TRDN: variants seen among roughly 807,000 people sequenced by gnomAD.
TRDN encodes triadin in skeletal muscle.
TRDN carries 161 observed loss-of-function variants against 149.7 expected under a neutral mutation model. That is an observed-to-expected ratio of 1.08 (90% CI 0.95 to 1.23). TRDN has a LOEUF of 1.23. Ranked by LOEUF, TRDN falls within the 50% of genes most tolerant of loss-of-function variation. TRDN has a pLI of 0.00. For synonymous variants in TRDN, 294 were observed against 250.5 expected (o/e 1.17, Z -1.64); for missense variants, 896 against 823.5 (o/e 1.09, Z -1.08).
chr6:123,299,494 T>C (rs1778326618), intron 24 of TRDN, among the ~76,000 whole-genome samples: 1 of 152,060 alleles, frequency 6.6e-6, no homozygotes, highest in Non-Finnish European at 1.5e-5. Context: ...TAGTCCTGTT[T>C]TTCTTTCTTA....
rs779091479 is a variant in TRDN at position 123,252,405 on chromosome 6, T to C, written c.1975+7A>G. ...GAGAACTTGTCATTAATACAAACCG[T>C]ACTTACTTGATACTCTTGCAGGTTT... is the stretch of plus-strand genomic sequence containing the variant. On this transcript the variant is annotated splice_region_variant and intron_variant, in intron 38 of 40. Coordinates refer to ENST00000334268, the MANE Select transcript of TRDN (RefSeq NM_006073.4). 4.6e-6 allele frequency: 7 copies of C among 1,512,096 alleles called. No individual in the cohort carries two copies. Among genetic ancestry groups the C allele is most frequent in the Non-Finnish European group, 6.3e-6 (7 of 1,107,708 alleles). 93.7% of individuals were successfully genotyped at this position (1,512,096 alleles called of 1,614,324 possible).
intron 24 of TRDN, among the ~76,000 whole-genome samples, chr6:123,286,479 G>A (rs114546020): frequency 3.6e-4 from 55 of 152,120 alleles, no homozygotes; most frequent in African/African-American, 1.3e-3. Flanking sequence ...TAAGCTATGA[G>A]GATGCAATGG....
intron 9 of TRDN, among the ~76,000 whole-genome samples, chr6:123,493,980 T>A (rs1778328432): frequency 6.6e-6 from 1 of 152,216 alleles, no homozygotes; most frequent in South Asian, 2.1e-4. Context: ...GTTTATTAAA[T>A]GAAACAACAG....
intron 21 of TRDN, among the ~76,000 whole-genome samples, chr6:123,341,398 T>G (rs1392810734): frequency 6.6e-6 from 1 of 151,946 alleles, no homozygotes; most frequent in Non-Finnish European, 1.5e-5. Context: ...ATTTTTTTCC[T>G]GAATATATGT....
At chr6:123,233,236 ACAGC>A (rs1775673937) in intron 38 of TRDN, among the ~76,000 whole-genome samples, 1 of 152,100 alleles carries the variant, frequency 6.6e-6, no homozygotes, top group South Asian at 2.1e-4. Context: ...GCAACATTTG[ACAGC>A]CAGTTTATTT....
At chr6:123,502,021 T>C in intron 8 of TRDN, 1 of 984,392 alleles carries the variant, frequency 1.0e-6, no homozygotes, top group African/African-American at 1.7e-5. Context: ...AGTTGTTAGA[T>C]AAGTATTTTG....
At chr6:123,631,611 G>A (rs1439170804) in intron 1 of TRDN, among the ~76,000 whole-genome samples, 4 of 151,816 alleles carry the variant, frequency 2.6e-5, no homozygotes, top group Admixed American at 6.6e-5. Context: ...TTGCACTTAC[G>A]AATAAATTTG....
Position 123,334,177 on chromosome 6 carries a change from A to G in TRDN, c.1421-2248T>C, listed in dbSNP as rs1419653965. Among the ~76,000 whole-genome samples, 6 of 151,988 alleles carry G rather than the reference A, an allele frequency of 3.9e-5. No individual in the cohort carries two copies. The South Asian group carries it at 1.0e-3, about 26-fold the overall frequency. Reference sequence around the variant, plus strand: ...TGTTGAGTGGAAATGGCCAAGAAAAACATGTTGAGGACAAATGGAAGTTGG... The same window carrying G: ...TGTTGAGTGGAAATGGCCAAGAAAAGCATGTTGAGGACAAATGGAAGTTGG... On this transcript the variant is annotated intron_variant, in intron 22 of 40. Transcript: ENST00000334268.
intron 13 of TRDN, 94 bp downstream of exon 13, chr6:123,393,528 GGT>G: frequency 9.7e-7 from 1 of 1,029,876 alleles, no homozygotes; most frequent in Non-Finnish European, 1.4e-6. Context: ...CCCAGCAGAT[GGT>G]GCTATTCTGC....
At chr6:123,404,576 G>A (rs1214791443) in intron 12 of TRDN, among the ~76,000 whole-genome samples, 1 of 152,054 alleles carries the variant, frequency 6.6e-6, no homozygotes, top group African/African-American at 2.4e-5. Flanking sequence ...AGCCTCCCAA[G>A]TAGCTGGGAT....
intron 4 of TRDN, among the ~76,000 whole-genome samples, chr6:123,532,631 C>G (rs1052913134): frequency 1.3e-5 from 2 of 151,902 alleles, no homozygotes; most frequent in African/African-American, 4.8e-5. Context: ...TCGCATAATC[C>G]AATTCCTTGT....
intron 38 of TRDN, among the ~76,000 whole-genome samples, chr6:123,250,340 TA>T (rs1409445359): frequency 6.6e-6 from 1 of 151,762 alleles, no homozygotes; most frequent in African/African-American, 2.4e-5. Flanking sequence ...CTCCTTTAGT[TA>T]AAGAGAAACA....
chr6:123,521,044 C>G (rs1779653589), intron 5 of TRDN, among the ~76,000 whole-genome samples: 1 of 152,114 alleles, frequency 6.6e-6, no homozygotes, highest in African/African-American at 2.4e-5. Flanking sequence ...TGCATTTTGA[C>G]TTTTGAGCCT....
In TRDN at chr6:123,516,123, A is replaced by G; in HGVS notation, c.550+18T>C. On this transcript the variant is annotated intron_variant, in intron 6 of 40. Coordinates refer to ENST00000334268, the MANE Select transcript of TRDN (RefSeq NM_006073.4). Reference sequence around the variant, plus strand: ...AAAGGACTCAGTGTGTTAAACAGTAATAAAAGTAACTTCATACCTTTCTTT... The same window carrying G: ...AAAGGACTCAGTGTGTTAAACAGTAGTAAAAGTAACTTCATACCTTTCTTT... 1.4e-6 allele frequency: 2 copies of G among 1,474,818 alleles called. No individual in the cohort carries two copies. The highest frequency in any genetic ancestry group is 1.8e-4 in the Middle Eastern group (1 of 5,574). The allele number at this position is 1,474,818 out of a possible 1,614,324, so 91.4% of individuals were successfully genotyped here.
intron 1 of TRDN, among the ~76,000 whole-genome samples, chr6:123,628,232 C>G (rs941722881): frequency 2.6e-5 from 4 of 152,012 alleles, no homozygotes; most frequent in African/African-American, 7.2e-5. Flanking sequence ...TAAAGATATG[C>G]AACTCTTCCT....
At chr6:123,303,179 T>G (rs1180165507) in intron 24 of TRDN, among the ~76,000 whole-genome samples, 2 of 152,098 alleles carry the variant, frequency 1.3e-5, no homozygotes, top group African/African-American at 4.8e-5. Context: ...CCAGAGCTCC[T>G]TCCTCTACAT....
intron 24 of TRDN, among the ~76,000 whole-genome samples, chr6:123,301,333 C>A (rs568734314): frequency 6.6e-6 from 1 of 151,930 alleles, no homozygotes; most frequent in Non-Finnish European, 1.5e-5. Context: ...ATCTGTGACA[C>A]TGTAAATCTT....
At chr6:123,268,916 C>T (rs1777111400) in intron 31 of TRDN, among the ~76,000 whole-genome samples, 1 of 151,848 alleles carries the variant, frequency 6.6e-6, no homozygotes, top group Admixed American at 6.6e-5. Flanking sequence ...TTCACAGATT[C>T]TAGGATGTGA....
intron 1 of TRDN, among the ~76,000 whole-genome samples, chr6:123,600,407 G>A (rs1784227169): frequency 6.6e-6 from 1 of 151,962 alleles, no homozygotes; most frequent in African/African-American, 2.4e-5. Flanking sequence ...AAGGAGGAAT[G>A]CCCTCCTCAG....
Sources: gnomAD v4.1 joint callset for allele counts (sites outside exome capture counted in the v4.1 genomes callset) on GRCh38, gnomAD v4.1.1 for gene constraint, MANE v1.5 for transcripts, NCBI Gene and HGNC (gene_info 2026-07-23, HGNC 2026-07-21) for gene names.